ZEB2: variants seen among roughly 807,000 people sequenced by gnomAD.
ZEB2 encodes the protein zinc finger E-box binding homeobox 2.
ZEB2 carries 6 observed loss-of-function variants against 99.9 expected under a neutral mutation model. The observed-to-expected ratio is 0.06, with a 90% CI of 0.03 to 0.12. ZEB2 has a LOEUF of 0.12. ZEB2 is among the 10% of genes least tolerant of loss of function. ZEB2 has a pLI of 1.00. For missense variants in ZEB2, 969 were observed against 1,502.8 expected, an observed-to-expected ratio of 0.64 and a Z score of 5.87; for synonymous variants, 517 against 542.5, an observed-to-expected ratio of 0.95 and a Z score of 0.65.
chr2:144,462,887 G>T (rs1416882555), intron 2 of ZEB2: 1 of 152,150 alleles, frequency 6.6e-6, no homozygotes, highest in African/African-American at 2.4e-5. Context: ...AGTTCCAACA[G>T]GGCCTGCCAG....
chr2:144,415,262 C>A lies in ZEB2; in HGVS notation c.403+9534G>T, dbSNP rs1044083340. Among the ~76,000 whole-genome samples, 4 of 151,974 alleles carry A rather than the reference C, an allele frequency of 2.6e-5. 1 individual carries two copies. The highest frequency in any genetic ancestry group is 6.6e-5 in the Admixed American group (1 of 15,262). On this transcript the variant is annotated intron_variant, in intron 4 of 9. Transcript: ENST00000627532. ...CAATAAAGAATAACTTTCCATAGCA[C>A]CTTGCAAAGGTGAATTTTTATTAGG...
chr2:144,441,406 A>T (rs1241396358), intron 2 of ZEB2, among the ~76,000 whole-genome samples: 3 of 152,084 alleles, frequency 2.0e-5, no homozygotes, highest in Non-Finnish European at 4.4e-5. Flanking sequence ...TTTGCTTTAG[A>T]TCTCTAGTTT....
chr2:144,472,878 G>A (rs1464865539), intron 2 of ZEB2, among the ~76,000 whole-genome samples: 1 of 152,198 alleles, frequency 6.6e-6, no homozygotes, highest in African/African-American at 2.4e-5. Context: ...GGAGGTAGCT[G>A]GATGAAGAGG....
rs1359673230 is a variant in ZEB2, at chr2:144,495,831, C to T, written c.73+21447G>A. 3 of 152,276 alleles carry T rather than the reference C, an allele frequency of 2.0e-5. No homozygotes were observed. The East Asian group carries it at 5.8e-4, about 29-fold the overall frequency. The allele number at this position is 152,276 out of a possible 1,614,324, so 9.4% of individuals were successfully genotyped here. On this transcript the variant is annotated intron_variant, in intron 2 of 9. Coordinates refer to ENST00000627532, the MANE Select transcript of ZEB2 (RefSeq NM_014795.4). Reference sequence around the variant, plus strand: ...ACAAAATGTCTTGTCTGCTGTCCAACGTGCTCCCTATATGCAGAAAAGATG... The same window carrying T: ...ACAAAATGTCTTGTCTGCTGTCCAATGTGCTCCCTATATGCAGAAAAGATG...
chr2:144,511,257 T>G (rs1705033381), intron 2 of ZEB2: 1 of 412,072 alleles, frequency 2.4e-6, no homozygotes, highest in South Asian at 3.3e-5. Flanking sequence ...GCATAATATG[T>G]AGGAGAGAAC....
At chr2:144,396,744 C>T (rs1703235134) in intron 8 of ZEB2, 152 bp from the exon 9 acceptor site, 1 of 758,238 alleles carries the variant, frequency 1.3e-6, no homozygotes, top group African/African-American at 1.7e-5. Flanking sequence ...TATATGAGGT[C>T]TCAATATGCA....
chr2:144,401,386 T>G, intron 6 of ZEB2, 79 bp from the exon 7 acceptor site: 1 of 1,437,278 alleles, frequency 7.0e-7, no homozygotes, highest in African/African-American at 1.4e-5. Context: ...TTAAAAGGCC[T>G]CTGTTTTTCA....
intron 2 of ZEB2, among the ~76,000 whole-genome samples, chr2:144,497,267 C>T (rs1704775523): frequency 6.6e-6 from 1 of 152,150 alleles, no homozygotes; most frequent in South Asian, 2.1e-4. Context: ...TTCTTTGTGG[C>T]ACTTGCCACA....
chr2:144,470,414 C>T (rs1332348589), intron 2 of ZEB2: 2 of 152,112 alleles, frequency 1.3e-5, no homozygotes, highest in African/African-American at 4.8e-5. Flanking sequence ...TTTTTATCAG[C>T]TCACCTTCTA....
At position 144,517,434 on chromosome 2, in the gene ZEB2, C is replaced by T. The variant is rs771870367; in HGVS notation, c.-69-15G>A. 5.2e-6 allele frequency: 8 copies of T among 1,540,978 alleles called. No homozygotes were observed. In the East Asian group the frequency reaches 1.8e-4, roughly 35 times the overall value. On this transcript the variant is annotated splice_polypyrimidine_tract_variant and intron_variant, in intron 1 of 9. Coordinates refer to ENST00000627532, the MANE Select transcript of ZEB2 (RefSeq NM_014795.4). Reference sequence around the variant, plus strand: ...GCAGGCTCGATCTAGCAACCAAACACAGCGACAATGTGGGCATCGCCCGCG... The same window carrying T: ...GCAGGCTCGATCTAGCAACCAAACATAGCGACAATGTGGGCATCGCCCGCG...
intron 2 of ZEB2, among the ~76,000 whole-genome samples, chr2:144,477,414 A>T (rs1704445781): frequency 6.6e-6 from 1 of 152,178 alleles, no homozygotes; most frequent in African/African-American, 2.4e-5. Context: ...TTTTTCTACC[A>T]TAAACCAACT....
At chr2:144,400,406 G>T in intron 7 of ZEB2, 136 bp from the exon 8 acceptor site, 2 of 953,294 alleles carry the variant, frequency 2.1e-6, no homozygotes, top group South Asian at 1.6e-5. Flanking sequence ...ACTTAGATTA[G>T]AATTATGTGA....
At chr2:144,509,523 A>C (rs1165354333) in intron 2 of ZEB2, among the ~76,000 whole-genome samples, 1 of 152,190 alleles carries the variant, frequency 6.6e-6, no homozygotes, top group Non-Finnish European at 1.5e-5. Flanking sequence ...AATCTTCCAC[A>C]AGGGTTATTG....
chr2:144,484,794 C>T (rs1262697238), intron 2 of ZEB2, among the ~76,000 whole-genome samples: 4 of 151,922 alleles, frequency 2.6e-5, no homozygotes, highest in Admixed American at 2.6e-4. Flanking sequence ...AATGTCAGTA[C>T]ACGGTGGAAC....
intron 2 of ZEB2, among the ~76,000 whole-genome samples, chr2:144,488,670 AGTGTGTGTGT>A (rs57221448): frequency 4.1e-5 from 6 of 148,026 alleles, no homozygotes; most frequent in Admixed American, 1.3e-4. Context: ...CTCGTGTGTG[AGTGTGTGTGT>A]GTGTGTGTGT....
intron 2 of ZEB2, among the ~76,000 whole-genome samples, chr2:144,442,001 A>T (rs1373400775): frequency 6.6e-6 from 1 of 152,204 alleles, no homozygotes; most frequent in Non-Finnish European, 1.5e-5. Flanking sequence ...CCCTGGGCAG[A>T]AAGAACAGAA....
intron 2 of ZEB2, among the ~76,000 whole-genome samples, chr2:144,469,358 C>T (rs1704321953): frequency 6.6e-6 from 1 of 152,106 alleles, no homozygotes; most frequent in African/African-American, 2.4e-5. Context: ...TAACACACTG[C>T]CTTCGTAGAG....
chr2:144,410,160 C>T (rs1264785889), intron 4 of ZEB2, among the ~76,000 whole-genome samples: 1 of 152,144 alleles, frequency 6.6e-6, no homozygotes, highest in East Asian at 1.9e-4. Flanking sequence ...CCACCCACCT[C>T]GGCCTCCCAA....
intron 2 of ZEB2, among the ~76,000 whole-genome samples, chr2:144,471,850 G>C (rs1472633770): frequency 6.6e-6 from 1 of 151,454 alleles, no homozygotes; most frequent in Non-Finnish European, 1.5e-5. Context: ...AGTGCACAGT[G>C]GATATATGTT....
Sources: gnomAD v4.1 joint callset for allele counts (sites outside exome capture counted in the v4.1 genomes callset) on GRCh38, gnomAD v4.1.1 for gene constraint, MANE v1.5 for transcripts, NCBI Gene and HGNC (gene_info 2026-07-23, HGNC 2026-07-21) for gene names.